Variants in PPARG observed in about 807,000 individuals in gnomAD.
PPARG encodes peroxisome proliferator activated receptor gamma, also known as peroxisome proliferator-activated receptor gamma.
A neutral mutation model predicts 39.2 loss-of-function variants in PPARG; 17 were observed. That is an observed-to-expected ratio of 0.43 (90% CI 0.30 to 0.65). PPARG has a LOEUF of 0.65. PPARG is among the 30% of genes least tolerant of loss of function. The pLI is 0.13. For missense variants in PPARG, 406 were observed against 585.9 expected (o/e 0.69, Z 3.17); for synonymous variants, 223 against 215.7 (o/e 1.03, Z -0.30).
intron 2 of PPARG, among the ~76,000 whole-genome samples, chr3:12,356,796 G>A (rs1244542880): frequency 6.6e-6 from 1 of 152,042 alleles, no homozygotes; most frequent in African/African-American, 2.4e-5. Flanking sequence ...GGCCTGTCTT[G>A]CTCTGTTCAC....
chr3:12,287,841 CCCCCA>C (rs2046543137), upstream of PPARG: 1 of 121,592 alleles, frequency 8.2e-6, no homozygotes, highest in Non-Finnish European at 1.8e-5. Context: ...CCCACCCCCA[CCCCCA>C]GCCGGCGCCC....
chr3:12,401,616 G>GA (rs11337165), intron 5 of PPARG, among the ~76,000 whole-genome samples: 169 of 140,792 alleles, frequency 1.2e-3, no homozygotes, highest in East Asian at 4.6e-3. Context: ...CTGAAAGACA[G>GA]AAAAAAAAAA....
chr3:12,380,213 A>G (rs958689316), intron 3 of PPARG, among the ~76,000 whole-genome samples: 1 of 150,250 alleles, frequency 6.7e-6, no homozygotes, highest in African/African-American at 2.5e-5. Flanking sequence ...CCTTGATTAC[A>G]CTGTCAGTTG....
At chr3:12,361,543 G>T (rs1325608303) in intron 2 of PPARG, among the ~76,000 whole-genome samples, 2 of 152,164 alleles carry the variant, frequency 1.3e-5, no homozygotes, top group Non-Finnish European at 2.9e-5. Flanking sequence ...TAAGGCAAGG[G>T]TTTATCTCTT....
At chr3:12,347,348 A>G (rs1199227839) in intron 2 of PPARG, among the ~76,000 whole-genome samples, 1 of 152,176 alleles carries the variant, frequency 6.6e-6, no homozygotes, top group African/African-American at 2.4e-5. Flanking sequence ...AAATTTTCCA[A>G]AAGGGGCACA....
intron 2 of PPARG, among the ~76,000 whole-genome samples, chr3:12,336,915 G>A (rs2048028402): frequency 6.6e-6 from 1 of 152,118 alleles, no homozygotes; most frequent in African/African-American, 2.4e-5. Flanking sequence ...TCTCCTGAAG[G>A]CCTTTAAAAA....
chr3:12,318,516 A>G (rs2047449181), intron 2 of PPARG, among the ~76,000 whole-genome samples: 1 of 152,256 alleles, frequency 6.6e-6, no homozygotes, highest in African/African-American at 2.4e-5. Context: ...AACAAATTTA[A>G]GAATAAAGAT....
chr3:12,407,129 G>A (rs2050699490), intron 6 of PPARG, among the ~76,000 whole-genome samples: 2 of 152,090 alleles, frequency 1.3e-5, no homozygotes, highest in Non-Finnish European at 2.9e-5. Context: ...TGGATGACCT[G>A]GATCATGTCT....
chr3:12,293,179 T>C (rs2124926228), intron 1 of PPARG, among the ~76,000 whole-genome samples: 1 of 152,294 alleles, frequency 6.6e-6, no homozygotes, highest in East Asian at 1.9e-4. Flanking sequence ...TTTTTAGATA[T>C]AAAGGAATTG....
chr3:12,400,654 G>C (rs2050439578), intron 5 of PPARG, among the ~76,000 whole-genome samples: 1 of 152,172 alleles, frequency 6.6e-6, no homozygotes, highest in Non-Finnish European at 1.5e-5. Context: ...TGTGTGACAG[G>C]TGCCAGATCT....
intron 7 of PPARG, among the ~76,000 whole-genome samples, chr3:12,417,395 C>T (rs992593186): frequency 6.6e-6 from 1 of 152,070 alleles, no homozygotes; most frequent in Non-Finnish European, 1.5e-5. Context: ...ATATTTTTTC[C>T]AGTCAAATGC....
At chr3:12,371,213 C>G (rs984783075) in intron 2 of PPARG, among the ~76,000 whole-genome samples, 1 of 152,090 alleles carries the variant, frequency 6.6e-6, no homozygotes, top group Non-Finnish European at 1.5e-5. Context: ...TATTAATATT[C>G]TACAGATGGA....
At chr3:12,415,192 C>G (rs747139805) in intron 6 of PPARG, among the ~76,000 whole-genome samples, 2 of 152,194 alleles carry the variant, frequency 1.3e-5, no homozygotes, top group Non-Finnish European at 2.9e-5. Flanking sequence ...TGCATGCACA[C>G]TCACACCTCT....
chr3:12,393,190 ATTTTTTTT>A (rs143287325), intron 5 of PPARG, among the ~76,000 whole-genome samples: 4 of 111,542 alleles, frequency 3.6e-5, no homozygotes, highest in Non-Finnish European at 5.4e-5. Context: ...GATTCATTTA[ATTTTTTTT>A]TTTTTTTTTT....
chr3:12,296,430 T>G (rs941657591), intron 1 of PPARG, among the ~76,000 whole-genome samples: 51 of 152,108 alleles, frequency 3.4e-4, no homozygotes, highest in African/African-American at 1.1e-3. Context: ...CTCTGCTTTA[T>G]ACGCTGTTTG....
At position 12,381,411 on chromosome 3, in the gene PPARG, C is replaced by T; in HGVS notation, c.310C>T (p.Leu104Phe). The T allele has an allele frequency of 6.2e-7, 1 of 1,613,452 alleles. No individual in the cohort carries two copies. The highest frequency in any genetic ancestry group is 8.5e-7 in the Non-Finnish European group (1 of 1,179,718). The change falls in exon 4 of 8, where the codon CTC becomes TTC. Residue 104 changes from leucine (L) to phenylalanine (F), a missense_variant. Around this residue, in one of 2 missense-constraint regions of PPARG, gnomAD observed 131 missense variants for 127.9 expected, o/e 1.02. Coordinates refer to ENST00000651735, the MANE Select transcript of PPARG (RefSeq NM_138711.6). ...GCCTCATGAAGAGCCTTCCAACTCC[C>T]TCATGGCAATTGAATGTCGTGTCTG... ...NKPHEEPSNS[L>F]MAIECRVCGD...
intron 2 of PPARG, among the ~76,000 whole-genome samples, chr3:12,359,765 C>G (rs867128427): frequency 2.0e-5 from 3 of 151,194 alleles, no homozygotes; most frequent in Admixed American, 6.6e-5. Flanking sequence ...ACCTCTGCCC[C>G]CTGGGTTCAC....
intron 1 of PPARG, among the ~76,000 whole-genome samples, chr3:12,289,395 TAA>T (rs2046592759): frequency 6.6e-6 from 1 of 152,346 alleles, no homozygotes; most frequent in South Asian, 2.1e-4. Context: ...GGACAAAATG[TAA>T]AGTTTATTTG....
At position 12,405,930 on chromosome 3, in the gene PPARG, C is replaced by T. The variant is rs573789959; in HGVS notation, c.578C>T (p.Ala193Val). ...MPQAEKEKLL[A>V]EISSDIDQLN... ...CAGGCCGAGAAGGAGAAGCTGTTGGCGGAGATCTCCAGTGATATCGACCAG... is the reference window on the plus strand; with the variant it reads ...CAGGCCGAGAAGGAGAAGCTGTTGGTGGAGATCTCCAGTGATATCGACCAG... Residue 193 changes from alanine to valine, a missense_variant, in exon 6 of 8, where the codon GCG becomes GTG. By Grantham distance (64) the Ala-to-Val change is moderately conservative. Around this residue, in one of 2 missense-constraint regions of PPARG, gnomAD observed 275 missense variants for 458.0 expected, o/e 0.60. Coordinates refer to ENST00000651735, the MANE Select transcript of PPARG (RefSeq NM_138711.6). 8 of 1,614,098 alleles carry T rather than the reference C, an allele frequency of 5.0e-6. No individual in the cohort carries two copies. Among genetic ancestry groups the T allele is most frequent in the East Asian group, 2.2e-5 (1 of 44,858 alleles).
Sources: gnomAD v4.1 joint callset for allele counts (sites outside exome capture counted in the v4.1 genomes callset) on GRCh38, gnomAD v4.1.1 for gene constraint, gnomAD v4.1.1 regional missense constraint, MANE v1.5 for transcripts, NCBI Gene and HGNC (gene_info 2026-07-23, HGNC 2026-07-21) for gene names.